ZNF516: variants seen among roughly 807,000 people sequenced by gnomAD.
ZNF516 encodes the protein zinc finger protein 516.
ZNF516 carries 19 observed loss-of-function variants against 79.7 expected under a neutral mutation model. The observed-to-expected ratio is 0.24, with a 90% CI of 0.17 to 0.35. The LOEUF (loss-of-function observed/expected upper bound fraction) is 0.35. ZNF516 is among the 10% of genes least tolerant of loss of function. The pLI is 1.00. For missense variants in ZNF516, 1,678 were observed against 1,679.5 expected, an observed-to-expected ratio of 1.00 and a Z score of 0.02; for synonymous variants, 877 against 739.5, an observed-to-expected ratio of 1.19 and a Z score of -3.02.
At chr18:76,450,821 C>A (rs1213055107) in intron 2 of ZNF516, among the ~76,000 whole-genome samples, 1 of 152,132 alleles carries the variant, frequency 6.6e-6, no homozygotes, top group Non-Finnish European at 1.5e-5. Flanking sequence ...ATAACTATGT[C>A]TCTGAATCGA....
In ZNF516 at chr18:76,493,014, G is replaced by A. The variant is rs563114475; in HGVS notation, c.-272+2130C>T. ...CACACACACACCCCAAATTACCTCC[G>A]GGATGGAGAAAGCCGCTGCGGATTG... On this transcript the variant is annotated intron_variant, in intron 1 of 6. Coordinates refer to ENST00000443185, the MANE Select transcript of ZNF516 (RefSeq NM_014643.4). This position sits in a 1 kb window ranked among gnomAD's most constrained non-coding sequence, Gnocchi z 5.2. 6.1e-6 allele frequency: 6 copies of A among 985,492 alleles called. No homozygotes were observed. The East Asian group carries it at 6.8e-4, about 112-fold the overall frequency. 61.0% of individuals were successfully genotyped at this position (985,492 alleles called of 1,614,324 possible). A position where few individuals can be genotyped will look rare whatever the true frequency, so the allele number is the denominator to read the frequency against.
chr18:76,490,297 G>C (rs982293050), intron 1 of ZNF516: 1 of 654,914 alleles, frequency 1.5e-6, no homozygotes, highest in African/African-American at 2.0e-5. Context: ...AAGGGGGGGC[G>C]AGGGGTTCTC....
intron 3 of ZNF516, among the ~76,000 whole-genome samples, chr18:76,440,809 G>A (rs1245868288): frequency 6.6e-6 from 1 of 152,116 alleles, no homozygotes; most frequent in Non-Finnish European, 1.5e-5. Context: ...GTCTGAAGCA[G>A]AAAAAGAAGG....
At chr18:76,400,031 G>C (rs542489154) in intron 3 of ZNF516, among the ~76,000 whole-genome samples, 1 of 152,144 alleles carries the variant, frequency 6.6e-6, no homozygotes, top group African/African-American at 2.4e-5. Flanking sequence ...AGAGCAATCA[G>C]CCCTGCCCAA....
chr18:76,450,778 G>GA (rs1912360747), intron 2 of ZNF516, among the ~76,000 whole-genome samples: 1 of 152,166 alleles, frequency 6.6e-6, no homozygotes, highest in African/African-American at 2.4e-5. Flanking sequence ...CGTTATCAGG[G>GA]AAAAACTGTA....
At chr18:76,377,698 C>T (rs1040665876) in intron 4 of ZNF516, among the ~76,000 whole-genome samples, 1 of 151,390 alleles carries the variant, frequency 6.6e-6, no homozygotes, top group Non-Finnish European at 1.5e-5. Flanking sequence ...TTTAAGAAAC[C>T]ACAGGCTTAC....
intron 2 of ZNF516, among the ~76,000 whole-genome samples, chr18:76,462,652 A>T (rs1465486602): frequency 1.3e-5 from 2 of 152,218 alleles, no homozygotes; most frequent in Non-Finnish European, 2.9e-5. Flanking sequence ...AAGAAAAGAA[A>T]GTGGGTCTTA....
intron 3 of ZNF516, among the ~76,000 whole-genome samples, chr18:76,412,635 G>A (rs115818173): frequency 0.019 from 2,833 of 152,302 alleles, 49 homozygotes; most frequent in African/African-American, 0.04. Context: ...CGGAGGATAA[G>A]GACACACCGT....
At chr18:76,492,890 T>G (rs1192011120) in intron 1 of ZNF516, 6 of 985,502 alleles carry the variant, frequency 6.1e-6, no homozygotes, top group Non-Finnish European at 7.2e-6. Flanking sequence ...CACGTCTACA[T>G]CACACATCTG....
At chr18:76,463,616 C>T (rs967412894) in intron 1 of ZNF516, among the ~76,000 whole-genome samples, 6 of 152,192 alleles carry the variant, frequency 3.9e-5, no homozygotes, top group Admixed American at 3.3e-4. Context: ...GTCTGTGGGG[C>T]GCCACCTACT....
At chr18:76,489,367 A>T (rs1915022849) in intron 1 of ZNF516, among the ~76,000 whole-genome samples, 1 of 152,250 alleles carries the variant, frequency 6.6e-6, no homozygotes, top group Admixed American at 6.5e-5. Flanking sequence ...TATTCTTTAC[A>T]GAAGTCTCCT....
intron 3 of ZNF516, among the ~76,000 whole-genome samples, chr18:76,408,747 AAAC>A (rs2075333956): frequency 3.3e-5 from 5 of 152,258 alleles, no homozygotes; most frequent in Non-Finnish European, 5.9e-5. Flanking sequence ...AATTCACAGA[AAAC>A]AACTTCCACA....
At chr18:76,385,266 C>A (rs549815182) in intron 3 of ZNF516, among the ~76,000 whole-genome samples, 1 of 152,218 alleles carries the variant, frequency 6.6e-6, no homozygotes, top group Non-Finnish European at 1.5e-5. Flanking sequence ...GACTTCACTG[C>A]GTCCCAAGCT....
intron 3 of ZNF516, among the ~76,000 whole-genome samples, chr18:76,417,754 T>C (rs900292947): frequency 2.0e-5 from 3 of 152,222 alleles, no homozygotes. Flanking sequence ...ATTTCCTTTA[T>C]GGAATTACGA....
At chr18:76,479,203 T>C (rs1599153711) in intron 1 of ZNF516, among the ~76,000 whole-genome samples, 1 of 152,284 alleles carries the variant, frequency 6.6e-6, no homozygotes, top group Middle Eastern at 3.4e-3. Context: ...GATGTTTGAA[T>C]AAAAGGGGCC....
intron 3 of ZNF516, among the ~76,000 whole-genome samples, chr18:76,405,055 A>G (rs1401629767): frequency 6.6e-6 from 1 of 152,118 alleles, no homozygotes; most frequent in African/African-American, 2.4e-5. Flanking sequence ...TGCTGGGCCC[A>G]TTGCAGGCAC....
intron 3 of ZNF516, among the ~76,000 whole-genome samples, chr18:76,438,350 C>A (rs1284522120): frequency 6.6e-6 from 1 of 152,230 alleles, no homozygotes; most frequent in Non-Finnish European, 1.5e-5. Flanking sequence ...GCTCCCTGAG[C>A]CTACTTGTGT....
At chr18:76,433,240 AACT>A (rs2075685611) in intron 3 of ZNF516, among the ~76,000 whole-genome samples, 1 of 152,176 alleles carries the variant, frequency 6.6e-6, no homozygotes, top group Non-Finnish European at 1.5e-5. Context: ...TCCCGTGCAA[AACT>A]ACCCACTCCC....
chr18:76,365,616 C>T (rs2074601004), intron 6 of ZNF516, among the ~76,000 whole-genome samples: 1 of 152,172 alleles, frequency 6.6e-6, no homozygotes, highest in Non-Finnish European at 1.5e-5. Context: ...CGACAACATG[C>T]ATGAGCTCTT....
Sources: gnomAD v4.1 joint callset for allele counts (sites outside exome capture counted in the v4.1 genomes callset) on GRCh38, gnomAD v4.1.1 for gene constraint, Gnocchi (gnomAD v3.1) non-coding constraint, MANE v1.5 for transcripts, NCBI Gene and HGNC (gene_info 2026-07-23, HGNC 2026-07-21) for gene names.